The following CCDC28A variants were observed in gnomAD, a reference collection of about 807,000 sequenced individuals.
CCDC28A encodes the protein coiled-coil domain containing 28A.
A neutral mutation model predicts 22.1 loss-of-function variants in CCDC28A; 24 were observed. The observed-to-expected ratio is 1.09, with a 90% CI of 0.79 to 1.53. The LOEUF (loss-of-function observed/expected upper bound fraction) is 1.53, where lower values mean the gene tolerates loss of function less well. CCDC28A is among the 40% of genes most tolerant of loss of function. The pLI is 0.00. For missense variants in CCDC28A, 170 were observed against 210.7 expected, an observed-to-expected ratio of 0.81 and a Z score of 1.20; for synonymous variants, 83 against 74.7, an observed-to-expected ratio of 1.11 and a Z score of -0.57.
At chr6:138,789,430 C>T (rs931683770) in intron 5 of CCDC28A, among the ~76,000 whole-genome samples, 7 of 152,032 alleles carry the variant, frequency 4.6e-5, no homozygotes, top group South Asian at 2.1e-4. Flanking sequence ...TGTGATGATG[C>T]GTATGTGAAA....
chr6:138,775,779 G>A (rs977141294), intron 1 of CCDC28A, among the ~76,000 whole-genome samples: 3 of 152,148 alleles, frequency 2.0e-5, no homozygotes, highest in East Asian at 1.9e-4. Context: ...GTTCAGTGCC[G>A]TCTCTCCAGT....
chr6:138,784,674 T>C (rs1014316435), intron 3 of CCDC28A, among the ~76,000 whole-genome samples: 4 of 151,836 alleles, frequency 2.6e-5, no homozygotes, highest in Non-Finnish European at 5.9e-5. Flanking sequence ...TTTTGCTTTT[T>C]AAAAAGAAAC....
intron 3 of CCDC28A, among the ~76,000 whole-genome samples, chr6:138,781,943 T>TAATATTTGAA (rs1198965887): frequency 1.3e-4 from 20 of 152,366 alleles, no homozygotes; most frequent in Admixed American, 3.3e-4. Flanking sequence ...TTGGTTATGC[T>TAATATTTGAA]AATATTTGAA....
At chr6:138,784,024 C>T (rs1340031935) in intron 3 of CCDC28A, among the ~76,000 whole-genome samples, 1 of 151,552 alleles carries the variant, frequency 6.6e-6, no homozygotes, top group Non-Finnish European at 1.5e-5. Context: ...ATTACAGGCA[C>T]ATGCCACCAC....
chr6:138,784,737 A>G (rs1158639480), intron 3 of CCDC28A, among the ~76,000 whole-genome samples: 1 of 150,548 alleles, frequency 6.6e-6, no homozygotes, highest in Admixed American at 6.6e-5. Context: ...CTCTATTGCC[A>G]GGGTGGAGTG....
Position 138,776,084 on chromosome 6 carries a change from A to T in CCDC28A, c.-37A>T, listed in dbSNP as rs760100984. On this transcript the variant is annotated 5_prime_UTR_variant, in exon 2 of 6. Coordinates refer to ENST00000617445, the MANE Select transcript of CCDC28A (RefSeq NM_015439.3). ...TTGCTGTATTCCTTATTTAGGTCTT[A>T]AGAAGCTGGCCGTGGTGCAATAAGG... 1.9e-6 allele frequency: 3 copies of T among 1,613,210 alleles called. No homozygotes were observed. The African/African-American group carries it at 4.0e-5, about 22-fold the overall frequency.
At position 138,773,777 on chromosome 6, in the gene CCDC28A, A is replaced by G. The variant is rs557024762; in HGVS notation, c.-168A>G. The stretch of plus-strand genomic sequence containing the variant: ...CCTCTTACGTCACTTCCGTAAACAA[A>G]CGGAGCTGCGGAGGAGCGGGTCCCG... On this transcript the variant is annotated 5_prime_UTR_variant, in exon 1 of 6. Transcript: ENST00000617445. 1 of 1,613,092 alleles carries G rather than the reference A, an allele frequency of 6.2e-7. No homozygotes were observed. Among genetic ancestry groups the G allele is most frequent in the South Asian group, 1.1e-5 (1 of 90,974 alleles).
intron 3 of CCDC28A, among the ~76,000 whole-genome samples, chr6:138,782,447 A>G (rs1775034695): frequency 6.6e-6 from 1 of 152,038 alleles, no homozygotes; most frequent in Admixed American, 6.6e-5. Flanking sequence ...CTCACGTAAC[A>G]TATTTTCTAT....
At chr6:138,784,729 C>G (rs866108225) in intron 3 of CCDC28A, among the ~76,000 whole-genome samples, 4 of 150,940 alleles carry the variant, frequency 2.7e-5, no homozygotes, top group Middle Eastern at 3.5e-3. Context: ...GAGTCTCGCT[C>G]TATTGCCAGG....
chr6:138,785,326 C>T lies in CCDC28A; in HGVS notation c.422C>T (p.Pro141Leu). The T allele has an allele frequency of 6.2e-7, 1 of 1,613,432 alleles. No homozygotes were observed. The highest frequency in any genetic ancestry group is 8.5e-7 in the Non-Finnish European group (1 of 1,179,458). The change falls in exon 4 of 6, where the codon CCT becomes CTT. Residue 141 changes from proline to leucine, a missense_variant. Transcript: ENST00000617445. ...CTCTATGGGGAGTTAGAGGAACTTC[C>T]TGAGGATAAGAGAAAAACAGCCAGT... ...LELYGELEEL[P>L]EDKRKTASDS... is the part of the protein sequence containing the mutation.
At chr6:138,775,674 C>T (rs1036505595) in intron 1 of CCDC28A, among the ~76,000 whole-genome samples, 1 of 152,172 alleles carries the variant, frequency 6.6e-6, no homozygotes, top group East Asian at 1.9e-4. Flanking sequence ...CCACCTGAAG[C>T]TTGAATCAGG....
chr6:138,790,393 G>T (rs1775155176), intron 5 of CCDC28A, among the ~76,000 whole-genome samples: 1 of 152,168 alleles, frequency 6.6e-6, no homozygotes, highest in Admixed American at 6.5e-5. Context: ...CAGGTGGTCT[G>T]CCCGCCTTGG....
chr6:138,773,830 T>C lies in CCDC28A; in HGVS notation c.-115T>C. ...ATGTGACCGGGGCTCTGCTTGTGGC[T>C]GCGGCGGTGGCTTCTGAGGCTGTCG... On this transcript the variant is annotated 5_prime_UTR_variant, in exon 1 of 6. Transcript: ENST00000617445. The C allele has an allele frequency of 1.9e-6, 3 of 1,614,100 alleles. No homozygotes were observed. The highest frequency in any genetic ancestry group is 2.5e-6 in the Non-Finnish European group (3 of 1,180,006).
chr6:138,790,443 C>A (rs948577509), intron 5 of CCDC28A, among the ~76,000 whole-genome samples: 2 of 152,208 alleles, frequency 1.3e-5, no homozygotes, highest in African/African-American at 2.4e-5. Flanking sequence ...AGCCACCACG[C>A]CCGGCCCTTT....
chr6:138,786,690 C>T (rs1775098190), intron 4 of CCDC28A, among the ~76,000 whole-genome samples: 1 of 152,244 alleles, frequency 6.6e-6, no homozygotes, highest in African/African-American at 2.4e-5. Flanking sequence ...TCTGGGCTCA[C>T]TGCAGCCTCA....
chr6:138,793,235 G>A lies in CCDC28A; in HGVS notation c.*432G>A, dbSNP rs942377042. ...TTAGACAATCAGTACACATGCTGGT[G>A]TGTTTTCCAATGGCCAGTGATAAGA... On this transcript the variant is annotated 3_prime_UTR_variant, in exon 6 of 6. Coordinates refer to ENST00000617445, the MANE Select transcript of CCDC28A (RefSeq NM_015439.3). 4 of 157,220 alleles carry A rather than the reference G, an allele frequency of 2.5e-5. No individual in the cohort carries two copies. The highest frequency in any genetic ancestry group is 9.6e-5 in the African/African-American group (4 of 41,530). The allele number at this position is 157,220 out of a possible 1,614,324, so 9.7% of individuals were successfully genotyped here.
At chr6:138,779,791 C>T (rs570813066) in intron 2 of CCDC28A, 31 bp from the exon 3 acceptor site, 1 of 1,564,972 alleles carries the variant, frequency 6.4e-7, no homozygotes, top group Non-Finnish European at 8.6e-7. Flanking sequence ...CTAGAATAGC[C>T]TAAAAAGCCT....
chr6:138,776,784 G>A (rs1562438093), intron 2 of CCDC28A, among the ~76,000 whole-genome samples: 2 of 151,920 alleles, frequency 1.3e-5, no homozygotes, highest in Admixed American at 6.6e-5. Context: ...CTTCTGAGGG[G>A]CTGTGACTGT....
At position 138,785,246 on chromosome 6, in the gene CCDC28A, A is replaced by G. The variant is rs768774318; in HGVS notation, c.342A>G (p.Glu114=). The G allele has an allele frequency of 1.2e-6, 2 of 1,612,716 alleles. No individual in the cohort carries two copies. The highest frequency in any genetic ancestry group is 1.7e-6 in the Non-Finnish European group (2 of 1,178,800). Residue 114 remains glutamate, a synonymous_variant, in exon 4 of 6, where the codon GAA becomes GAG. Transcript: ENST00000617445. ...LQAFGNECSI[E]QMEHVRGMQE... ...CCCAAGGAAATGAATGTTCCATTGA[A>G]CAGATGGAACATGTTCGGGGAATGC...
Sources: gnomAD v4.1 joint callset for allele counts (sites outside exome capture counted in the v4.1 genomes callset) on GRCh38, gnomAD v4.1.1 for gene constraint, MANE v1.5 for transcripts, NCBI Gene and HGNC (gene_info 2026-07-23, HGNC 2026-07-21) for gene names.